ITM2B: variants seen among roughly 807,000 people sequenced by gnomAD.
The protein encoded by ITM2B is integral membrane protein 2B, also known as ABri/ADan amyloid peptide.
A neutral mutation model predicts 27.8 loss-of-function variants in ITM2B; 11 were observed. That is an observed-to-expected ratio of 0.40 (90% CI 0.25 to 0.66). The LOEUF is 0.66. Ranked by LOEUF, ITM2B falls within the 30% of genes least tolerant of loss-of-function variation. ITM2B has a pLI of 0.43. For synonymous variants in ITM2B, 114 were observed against 114.3 expected, an observed-to-expected ratio of 1.00 and a Z score of 0.02; for missense variants, 296 against 328.9, an observed-to-expected ratio of 0.90 and a Z score of 0.77.
rs1222105770 is a variant in ITM2B at position 48,264,131 on chromosome 13, A to T, written c.*2907A>T. The T allele has an allele frequency of 6.6e-6, 1 of 152,182 alleles. No individual in the cohort carries two copies. Among genetic ancestry groups the T allele is most frequent in the African/African-American group, 2.4e-5 (1 of 41,434 alleles). The allele number at this position is 152,182 out of a possible 1,614,324, so 9.4% of individuals were successfully genotyped here. A position where few individuals can be genotyped will look rare whatever the true frequency, so the allele number is the denominator to read the frequency against. ...TGATGCAGGAGTGAGAATCTGGAGA[A>T]TCTGGCTTAAGAGGTGGCTGAGAAT... On this transcript the variant is annotated 3_prime_UTR_variant, in exon 6 of 6. Transcript: ENST00000647800.
At chr13:48,234,831 C>T (rs1328990939) in intron 1 of ITM2B, among the ~76,000 whole-genome samples, 18 of 152,122 alleles carry the variant, frequency 1.2e-4, no homozygotes. Flanking sequence ...TATTGTTTTC[C>T]TGAAGCCATT....
In ITM2B at chr13:48,263,566, C is replaced by T. The variant is rs1189649534; in HGVS notation, c.*2342C>T. The stretch of plus-strand genomic sequence containing the variant: ...CAGGGAGACTCAGCTATCCTTCCCT[C>T]TTCTTGAGTTCTGTCTTAGTCCATT... On this transcript the variant is annotated 3_prime_UTR_variant, in exon 6 of 6. Coordinates refer to ENST00000647800, the MANE Select transcript of ITM2B (RefSeq NM_021999.5). 2 of 152,166 alleles carry T rather than the reference C, an allele frequency of 1.3e-5. No individual in the cohort carries two copies. The highest frequency in any genetic ancestry group is 1.5e-5 in the Non-Finnish European group (1 of 68,064). The allele number at this position is 152,166 out of a possible 1,614,324, so 9.4% of individuals were successfully genotyped here.
At chr13:48,260,570 G>C (rs991622905) in intron 5 of ITM2B, among the ~76,000 whole-genome samples, 3 of 150,042 alleles carry the variant, frequency 2.0e-5, no homozygotes, top group African/African-American at 7.3e-5. Flanking sequence ...CTTTATGTCA[G>C]TGAGTTCCCA....
rs1405528003 is a variant in ITM2B at position 48,258,881 on chromosome 13, T to A, written c.649T>A (p.Phe217Ile). 1 of 1,613,568 alleles carries A rather than the reference T, an allele frequency of 6.2e-7. No individual in the cohort carries two copies. The highest frequency in any genetic ancestry group is 1.1e-5 in the South Asian group (1 of 91,080). The change falls in exon 5 of 6, where the codon TTC becomes ATC. Residue 217 changes from phenylalanine (F) to isoleucine (I), a missense_variant. Phe to Ile is a conservative substitution (Grantham distance 21, BLOSUM62 0). Transcript: ENST00000647800. ...CATTGAAAACATTGATCACCTGGGTTTCTTTATTTATCGACTGTGTCATGA... is the reference window on the plus strand; with the variant it reads ...CATTGAAAACATTGATCACCTGGGTATCTTTATTTATCGACTGTGTCATGA... Reference protein sequence around the residue: ...DRIENIDHLGFFIYRLCHDKE... With the variant: ...DRIENIDHLGIFIYRLCHDKE...
In ITM2B at chr13:48,269,187, T is replaced by C. The variant is rs891880924; in HGVS notation, c.*7963T>C. 3 of 152,178 alleles carry C rather than the reference T, an allele frequency of 2.0e-5. No homozygotes were observed. The highest frequency in any genetic ancestry group is 4.4e-5 in the Non-Finnish European group (3 of 68,020). The allele number at this position is 152,178 out of a possible 1,614,324, so 9.4% of individuals were successfully genotyped here. A position where few individuals can be genotyped will look rare whatever the true frequency, so the allele number is the denominator to read the frequency against. On this transcript the variant is annotated 3_prime_UTR_variant, in exon 6 of 6. Coordinates refer to ENST00000647800, the MANE Select transcript of ITM2B (RefSeq NM_021999.5). ...AGGAAGTCATTCTAGATTCCTCTCT[T>C]TTTCATAAACCTCACATCAAATCCA...
chr13:48,233,996 C>T (rs3803188), intron 1 of ITM2B, among the ~76,000 whole-genome samples: 31,274 of 152,064 alleles, frequency 0.21, 3,537 homozygotes, highest in Non-Finnish European at 0.25. Context: ...GTTTCTTTAC[C>T]TCCTTTTTCC....
intron 1 of ITM2B, among the ~76,000 whole-genome samples, chr13:48,248,719 CA>C (rs1270548591): frequency 2.0e-5 from 3 of 151,964 alleles, no homozygotes; most frequent in African/African-American, 7.2e-5. Context: ...AAAAAAATCA[CA>C]AAAAAAGTCA....
intron 2 of ITM2B, among the ~76,000 whole-genome samples, chr13:48,255,509 G>C (rs1288876030): frequency 1.3e-5 from 2 of 152,048 alleles, no homozygotes; most frequent in East Asian, 3.9e-4. Flanking sequence ...TGCCCAGGCT[G>C]GTCTTGAACT....
chr13:48,245,734 G>C (rs77293712), intron 1 of ITM2B, among the ~76,000 whole-genome samples: 1 of 149,672 alleles, frequency 6.7e-6, no homozygotes, highest in South Asian at 2.1e-4. Flanking sequence ...TAACAAAAAA[G>C]TATGTTAATG....
In ITM2B at chr13:48,261,187, A is replaced by G. The variant is rs1951820183; in HGVS notation, c.764A>G (p.Glu255Gly). 6.2e-7 allele frequency: 1 copy of G among 1,612,526 alleles called. No individual in the cohort carries two copies. Among genetic ancestry groups the G allele is most frequent in the Non-Finnish European group, 8.5e-7 (1 of 1,178,936 alleles). ...AATTGTTTCGCAATTCGGCATTTTG[A>G]AAACAAATTTGCCGTGGAAACTTTA... ...ASNCFAIRHF[E>G]NKFAVETLIC... Residue 255 changes from glutamate to glycine, a missense_variant, in exon 6 of 6, where the codon GAA becomes GGA. Coordinates refer to ENST00000647800, the MANE Select transcript of ITM2B (RefSeq NM_021999.5).
chr13:48,243,518 C>A (rs1951710569), intron 1 of ITM2B, among the ~76,000 whole-genome samples: 1 of 152,032 alleles, frequency 6.6e-6, no homozygotes, highest in African/African-American at 2.4e-5. Flanking sequence ...TTAAGTAAAC[C>A]TTTTACAACA....
At chr13:48,253,754 C>T (rs1229658194) in intron 1 of ITM2B, 54 bp from the exon 2 acceptor site, 4 of 1,557,562 alleles carry the variant, frequency 2.6e-6, no homozygotes, top group African/African-American at 2.7e-5. Context: ...AGTCCTGAGC[C>T]TTCTGTTATT....
chr13:48,249,149 G>T (rs543910231), intron 1 of ITM2B, among the ~76,000 whole-genome samples: 1 of 152,272 alleles, frequency 6.6e-6, no homozygotes, highest in African/African-American at 2.4e-5. Flanking sequence ...GTTTCCTCAT[G>T]CCTGTTTGTA....
intron 1 of ITM2B, among the ~76,000 whole-genome samples, chr13:48,252,740 ACTCCAT>A (rs1951762336): frequency 6.6e-6 from 1 of 152,108 alleles, no homozygotes; most frequent in African/African-American, 2.4e-5. Context: ...CCTTAAGCCT[ACTCCAT>A]AGTGGGTTTT....
rs772385941 is a variant in ITM2B at position 48,233,415 on chromosome 13, G to A, written c.55G>A (p.Glu19Lys). ...ALAQKEAKKD[E>K]PKSGEEALII... is the part of the protein sequence containing the mutation. ...GGCCCAGAAGGAGGCCAAGAAGGAC[G>A]AGCCCAAGAGCGGCGAGGAGGCGCT... Residue 19 changes from glutamate (E) to lysine (K), a missense_variant, in exon 1 of 6, where the codon GAG becomes AAG. Glu to Lys is a moderately conservative substitution (Grantham distance 56, BLOSUM62 1). Coordinates refer to ENST00000647800, the MANE Select transcript of ITM2B (RefSeq NM_021999.5). The A allele has an allele frequency of 9.0e-6, 14 of 1,554,836 alleles. No individual in the cohort carries two copies. The highest frequency in any genetic ancestry group is 1.2e-5 in the South Asian group (1 of 83,650).
intron 1 of ITM2B, among the ~76,000 whole-genome samples, chr13:48,248,802 G>A (rs1305017621): frequency 6.6e-6 from 1 of 152,220 alleles, no homozygotes; most frequent in African/African-American, 2.4e-5. Context: ...ACACGGCCAT[G>A]GGCCACGGGT....
chr13:48,237,958 G>A (rs1007193297), intron 1 of ITM2B, among the ~76,000 whole-genome samples: 8 of 152,118 alleles, frequency 5.3e-5, no homozygotes, highest in Non-Finnish European at 1.0e-4. Context: ...TTTGGCAAAC[G>A]TGGCATTTTA....
chr13:48,239,470 A>C (rs531337429), intron 1 of ITM2B, among the ~76,000 whole-genome samples: 1 of 152,232 alleles, frequency 6.6e-6, no homozygotes, highest in Non-Finnish European at 1.5e-5. Flanking sequence ...TTCTGTCTCT[A>C]CTAAAACAAA....
Position 48,266,867 on chromosome 13 carries a change from T to C in ITM2B, c.*5643T>C, listed in dbSNP as rs1332910707. The C allele has an allele frequency of 6.6e-6, 1 of 152,212 alleles. No individual in the cohort carries two copies. Among genetic ancestry groups the C allele is most frequent in the Non-Finnish European group, 1.5e-5 (1 of 68,044 alleles). The allele number at this position is 152,212 out of a possible 1,614,324, so 9.4% of individuals were successfully genotyped here. A position where few individuals can be genotyped will look rare whatever the true frequency, so the allele number is the denominator to read the frequency against. On this transcript the variant is annotated 3_prime_UTR_variant, in exon 6 of 6. Transcript: ENST00000647800. ...ATCCACAAATGTTTCAAGCCAAGAT[T>C]ATGTCTTCTTCCATAATGCCACCTT...
Sources: allele counts gnomAD v4.1 joint callset (sites outside exome capture counted in the v4.1 genomes callset), GRCh38; gene constraint gnomAD v4.1.1; transcripts MANE v1.5; gene names NCBI Gene and HGNC (gene_info 2026-07-23, HGNC 2026-07-21).